The following UBE3D variants were observed in gnomAD, a reference collection of about 807,000 sequenced individuals.
UBE3D encodes E3 ubiquitin-protein ligase E3D.
Under a neutral mutation model 49.6 loss-of-function variants are expected in UBE3D, and 48 were observed. That is an observed-to-expected ratio of 0.97 (90% confidence interval 0.77 to 1.23). The LOEUF is 1.23. Ranked by LOEUF, UBE3D falls within the 50% of genes most tolerant of loss-of-function variation. UBE3D has a pLI of 0.00. For missense variants in UBE3D, 452 were observed against 468.4 expected, an observed-to-expected ratio of 0.96 and a Z score of 0.32; for synonymous variants, 189 against 174.2, an observed-to-expected ratio of 1.08 and a Z score of -0.67.
intron 8 of UBE3D, among the ~76,000 whole-genome samples, chr6:83,006,647 T>C (rs989879032): frequency 6.6e-6 from 1 of 152,142 alleles, no homozygotes; most frequent in African/African-American, 2.4e-5. Context: ...AAAATAAATG[T>C]CTGTTGTTTA....
At chr6:82,936,337 G>C (rs1774573391) in intron 9 of UBE3D, among the ~76,000 whole-genome samples, 1 of 152,096 alleles carries the variant, frequency 6.6e-6, no homozygotes, top group Non-Finnish European at 1.5e-5. Context: ...ATATTTTGGG[G>C]ACTCAATGAA....
intron 8 of UBE3D, among the ~76,000 whole-genome samples, chr6:82,974,369 A>G (rs1271282352): frequency 1.3e-5 from 2 of 151,986 alleles, no homozygotes; most frequent in Non-Finnish European, 2.9e-5. Flanking sequence ...CCCCACAACA[A>G]CCTGCAGATA....
chr6:83,002,418 C>T (rs1401858068), intron 8 of UBE3D, among the ~76,000 whole-genome samples: 1 of 152,164 alleles, frequency 6.6e-6, no homozygotes, highest in African/African-American at 2.4e-5. Context: ...AGCGTGTTGG[C>T]TCACCCCTGT....
rs185369690 is a variant in UBE3D, at chr6:82,943,216, A to C, written c.1149+14096T>G. 2.0e-5 allele frequency among the ~76,000 whole-genome samples: 3 copies of C among 152,294 alleles called. No individual in the cohort carries two copies. The East Asian group carries it at 5.8e-4, about 29-fold the overall frequency. On this transcript the variant is annotated intron_variant, in intron 9 of 9. Coordinates refer to ENST00000369747, the MANE Select transcript of UBE3D (RefSeq NM_198920.3). ...CCTGTGGAATGGGTGTATTTACCTA[A>C]TGCCTGTAACCCCACTGTATCTAGG...
intron 8 of UBE3D, among the ~76,000 whole-genome samples, chr6:82,961,987 T>G (rs1284841804): frequency 1.7e-5 from 1 of 58,054 alleles, no homozygotes; most frequent in Non-Finnish European, 4.3e-5. Flanking sequence ...ATTTATTTTT[T>G]ATACGTGTGT....
intron 9 of UBE3D, among the ~76,000 whole-genome samples, chr6:82,954,331 A>G (rs570569528): frequency 3.6e-4 from 55 of 152,350 alleles, no homozygotes; most frequent in African/African-American, 1.3e-3. Context: ...GTAAGGTACT[A>G]TAACAGAGTG....
In UBE3D at chr6:83,065,742, G is replaced by T. The variant is rs771321105; in HGVS notation, c.-24C>A. The T allele has an allele frequency of 1.9e-6, 3 of 1,599,958 alleles. No homozygotes were observed. The Admixed American group carries it at 5.1e-5, about 27-fold the overall frequency. On this transcript the variant is annotated 5_prime_UTR_variant, in exon 1 of 10. Coordinates refer to ENST00000369747, the MANE Select transcript of UBE3D (RefSeq NM_198920.3). ...ATGGCAGGCTTCCAGTCCCAGACCG[G>T]ACCAAGCTGGAGGTTCCGAGGGGCC...
chr6:82,933,324 C>T (rs75399706), intron 9 of UBE3D, among the ~76,000 whole-genome samples: 1,752 of 152,226 alleles, frequency 0.012, 31 homozygotes, highest in East Asian at 0.087. Flanking sequence ...TTAAGAAAAA[C>T]GGAATAATCC....
At chr6:82,941,441 G>C (rs1270225435) in intron 9 of UBE3D, among the ~76,000 whole-genome samples, 1 of 151,616 alleles carries the variant, frequency 6.6e-6, no homozygotes, top group African/African-American at 2.4e-5. Context: ...AAAGTATATA[G>C]AAAAAAAAGA....
At chr6:82,999,092 T>A (rs561017403) in intron 8 of UBE3D, among the ~76,000 whole-genome samples, 10 of 152,310 alleles carry the variant, frequency 6.6e-5, no homozygotes, top group Admixed American at 6.5e-4. Context: ...ACTACCGTTA[T>A]CCCTTCTCCC....
chr6:82,987,150 A>G (rs1217758166), intron 8 of UBE3D, among the ~76,000 whole-genome samples: 1 of 152,004 alleles, frequency 6.6e-6, no homozygotes, highest in Admixed American at 6.6e-5. Context: ...AAAAATTTGC[A>G]TAGAGTGGGT....
intron 3 of UBE3D, among the ~76,000 whole-genome samples, chr6:83,050,305 G>C (rs1433424863): frequency 6.7e-6 from 1 of 150,242 alleles, no homozygotes; most frequent in African/African-American, 2.4e-5. Context: ...GAATCACAAA[G>C]TACATGAAAC....
intron 9 of UBE3D, among the ~76,000 whole-genome samples, chr6:82,900,953 T>G (rs1771686046): frequency 6.6e-6 from 1 of 152,212 alleles, no homozygotes; most frequent in Non-Finnish European, 1.5e-5. Flanking sequence ...AAGTCAAGAC[T>G]TATATTGCCT....
At chr6:83,055,003 C>T (rs1055579251) in intron 2 of UBE3D, among the ~76,000 whole-genome samples, 1 of 151,898 alleles carries the variant, frequency 6.6e-6, no homozygotes, top group Non-Finnish European at 1.5e-5. Context: ...AGCATATAAC[C>T]ATATGAACAA....
chr6:83,007,456 C>G (rs372481838), intron 8 of UBE3D, among the ~76,000 whole-genome samples: 1 of 152,274 alleles, frequency 6.6e-6, no homozygotes, highest in African/African-American at 2.4e-5. Context: ...TAATTGTATT[C>G]TCCTAAGTCT....
intron 8 of UBE3D, among the ~76,000 whole-genome samples, chr6:82,981,153 G>A (rs771197577): frequency 2.0e-5 from 3 of 152,074 alleles, no homozygotes; most frequent in Non-Finnish European, 4.4e-5. Flanking sequence ...AAGTTCAGGA[G>A]GTTAAATGAA....
At chr6:82,899,596 A>G (rs1771582168) in intron 9 of UBE3D, among the ~76,000 whole-genome samples, 1 of 152,216 alleles carries the variant, frequency 6.6e-6, no homozygotes, top group Admixed American at 6.5e-5. Flanking sequence ...AGAGATGTGT[A>G]TGTGGCAGAG....
chr6:83,012,773 C>T (rs937575252), intron 8 of UBE3D, among the ~76,000 whole-genome samples: 1 of 152,202 alleles, frequency 6.6e-6, no homozygotes, highest in Non-Finnish European at 1.5e-5. Flanking sequence ...TATATAATTG[C>T]ACATCTGGCC....
In UBE3D at chr6:83,044,599, C is replaced by G. The variant is rs969020211; in HGVS notation, c.426G>C (p.Trp142Cys). 1.2e-6 allele frequency: 2 copies of G among 1,613,982 alleles called. No homozygotes were observed. The highest frequency in any genetic ancestry group is 1.7e-6 in the Non-Finnish European group (2 of 1,179,994). ...TAGCAAAGGGGTCAGGATGACAACA[C>G]CATTCTCCAACTAGAGCTCCCCAGT... ...SENWGALVGE[W>C]CCHPDPFANK... is the part of the protein sequence containing the mutation. The change falls in exon 4 of 10, where the codon TGG becomes TGC. Residue 142 changes from tryptophan to cysteine, a missense_variant. By Grantham distance (215) the Trp-to-Cys change is radical. Coordinates refer to ENST00000369747, the MANE Select transcript of UBE3D (RefSeq NM_198920.3).
Sources: allele counts gnomAD v4.1 joint callset (sites outside exome capture counted in the v4.1 genomes callset), GRCh38; gene constraint gnomAD v4.1.1; transcripts MANE v1.5; gene names NCBI Gene and HGNC (gene_info 2026-07-23, HGNC 2026-07-21).